Variants in ATAD5 observed in about 807,000 individuals in gnomAD.
The protein encoded by ATAD5 is ATPase family AAA domain containing 5.
In ATAD5, 58 loss-of-function variants were observed where a neutral mutation model predicts 176.9. That is an observed-to-expected ratio of 0.33 (90% confidence interval 0.27 to 0.41). The LOEUF is 0.41. Ranked by LOEUF, ATAD5 falls within the 10% of genes least tolerant of loss-of-function variation. ATAD5 has a pLI of 1.00. For missense variants in ATAD5, 1,789 were observed against 2,094.1 expected (o/e 0.85, Z 2.84); for synonymous variants, 640 against 712.6 (o/e 0.90, Z 1.62).
intron 18 of ATAD5, among the ~76,000 whole-genome samples, chr17:30,884,805 T>C (rs1178486831): frequency 6.8e-6 from 1 of 146,866 alleles, no homozygotes; most frequent in Non-Finnish European, 1.5e-5. Context: ...TGGAGTGCAG[T>C]GGTGCAATCT....
At chr17:30,848,232 C>T (rs1334597673) in intron 6 of ATAD5, among the ~76,000 whole-genome samples, 1 of 151,956 alleles carries the variant, frequency 6.6e-6, no homozygotes, top group Non-Finnish European at 1.5e-5. Context: ...TCTTTGATAA[C>T]ACTTGGCATT....
Position 30,869,349 on chromosome 17 carries a change from ACTG to A in ATAD5, c.3420_3422del (p.Ala1141del). 1 of 1,613,962 alleles carries A rather than the reference ACTG, an allele frequency of 6.2e-7. No homozygotes were observed. Among genetic ancestry groups the A allele is most frequent in the Non-Finnish European group, 8.5e-7 (1 of 1,179,988 alleles). ...AACAGGGCCAACAGGAGTGGGAAAA[ACTG>A]CTGCAGTGTATGCTTGTGCCCAGGA... On this transcript the variant is annotated inframe_deletion, in exon 13 of 23. Coordinates refer to ENST00000321990, the MANE Select transcript of ATAD5 (RefSeq NM_024857.5).
In ATAD5 at chr17:30,843,899, T is replaced by C; in HGVS notation, c.2242-14T>C. ...TATGATTTAATTAAAATTTATTCTCTTATTTTGTCTTAGGATTCTGTTATA... is the reference window on the plus strand; with the variant it reads ...TATGATTTAATTAAAATTTATTCTCCTATTTTGTCTTAGGATTCTGTTATA... On this transcript the variant is annotated splice_polypyrimidine_tract_variant and intron_variant, in intron 4 of 22. Coordinates refer to ENST00000321990, the MANE Select transcript of ATAD5 (RefSeq NM_024857.5). 7.8e-7 allele frequency: 1 copy of C among 1,285,030 alleles called. No individual in the cohort carries two copies. The highest frequency in any genetic ancestry group is 1.1e-6 in the Non-Finnish European group (1 of 947,732). 79.6% of individuals were successfully genotyped at this position (1,285,030 alleles called of 1,614,324 possible).
rs367699401 is a variant in ATAD5 at position 30,834,724 on chromosome 17, G to T, written c.643G>T (p.Asp215Tyr). ...LRKRKCRDVV[D>Y]LSESLPLAEE... ...AAAAAGGAAATGCAGAGATGTAGTA[G>T]ATCTATCTGAAAGCTTACCCTTGGC... The change falls in exon 2 of 23, where the codon GAT becomes TAT. Residue 215 changes from aspartate (D) to tyrosine (Y), a missense_variant. Physicochemically the swap from Asp to Tyr is radical, Grantham distance 160. Around this residue, in one of 6 missense-constraint regions of ATAD5, gnomAD observed 696 missense variants for 712.5 expected, o/e 0.98. Coordinates refer to ENST00000321990, the MANE Select transcript of ATAD5 (RefSeq NM_024857.5). 9 of 1,613,422 alleles carry T rather than the reference G, an allele frequency of 5.6e-6. No homozygotes were observed. The highest frequency in any genetic ancestry group is 7.6e-6 in the Non-Finnish European group (9 of 1,179,776).
At position 30,832,014 on chromosome 17, in the gene ATAD5, C is replaced by T. The variant is rs1263524660; in HGVS notation, c.-334C>T. 2.7e-6 allele frequency: 1 copy of T among 364,114 alleles called. No homozygotes were observed. Among genetic ancestry groups the T allele is most frequent in the Non-Finnish European group, 4.9e-6 (1 of 204,662 alleles). The allele number at this position is 364,114 out of a possible 1,614,324, so 22.6% of individuals were successfully genotyped here. ...CAATTGACAAGAATTCCCTCCGAAG[C>T]TCTGTGGTCCGATCTGCGGTCCGCT... is the stretch of plus-strand genomic sequence containing the variant. On this transcript the variant is annotated 5_prime_UTR_variant, in exon 1 of 23. Coordinates refer to ENST00000321990, the MANE Select transcript of ATAD5 (RefSeq NM_024857.5).
chr17:30,866,739 C>T (rs767354922), intron 11 of ATAD5, among the ~76,000 whole-genome samples: 2 of 151,932 alleles, frequency 1.3e-5, no homozygotes, highest in East Asian at 2.0e-4. Context: ...CGCCTGAACC[C>T]GGGAGGTGAG....
rs912567002 is a variant in ATAD5 at position 30,893,944 on chromosome 17, T to C, written c.5091T>C (p.Asn1697=). The C allele has an allele frequency of 6.8e-6, 11 of 1,614,088 alleles. No individual in the cohort carries two copies. In the East Asian group the frequency reaches 2.2e-4, roughly 33 times the overall value. ...GTGATGAGTTTAGTCTTGAGAGTAATGATGGATGGACTTCTCAAAGCTCTG... is the reference window on the plus strand; with the variant it reads ...GTGATGAGTTTAGTCTTGAGAGTAACGATGGATGGACTTCTCAAAGCTCTG... ...GLCDEFSLES[N]DGWTSQSSGE... is the part of the protein sequence containing the mutation. The change falls in exon 21 of 23, where the codon AAT becomes AAC. Residue 1697 remains asparagine (N), a synonymous_variant. Coordinates refer to ENST00000321990, the MANE Select transcript of ATAD5 (RefSeq NM_024857.5).
Position 30,834,410 on chromosome 17 carries a change from T to G in ATAD5, c.329T>G (p.Phe110Cys). 6.2e-7 allele frequency: 1 copy of G among 1,600,800 alleles called. No homozygotes were observed. Among genetic ancestry groups the G allele is most frequent in the Non-Finnish European group, 8.5e-7 (1 of 1,175,268 alleles). Residue 110 changes from phenylalanine (F) to cysteine (C), a missense_variant, in exon 2 of 23, where the codon TTT becomes TGT. Physicochemically the swap from Phe to Cys is radical, Grantham distance 205 (BLOSUM62 -2). Transcript: ENST00000321990. The stretch of plus-strand genomic sequence containing the variant: ...TTGGAAATGTTCTCAAATGTAGAGT[T>G]TAAGAAGAAAAGAAAGAGGGTTAAT... Reference protein sequence around the residue: ...TPLEMFSNVEFKKKRKRVNLS... With the variant: ...TPLEMFSNVECKKKRKRVNLS...
intron 10 of ATAD5, among the ~76,000 whole-genome samples, chr17:30,860,946 C>T (rs1907594442): frequency 1.3e-5 from 2 of 150,976 alleles, no homozygotes. Context: ...CTTGCACGGT[C>T]GCCCGGGCTG....
intron 6 of ATAD5, among the ~76,000 whole-genome samples, chr17:30,846,877 C>T (rs1439127025): frequency 3.4e-5 from 5 of 146,402 alleles, no homozygotes; most frequent in African/African-American, 1.4e-4. Context: ...TGTGCCACCA[C>T]GCCTGGCTAA....
In ATAD5 at chr17:30,832,118, A is replaced by G. The variant is rs1905414841; in HGVS notation, c.-230A>G. 5.0e-6 allele frequency: 2 copies of G among 396,880 alleles called. No individual in the cohort carries two copies. The highest frequency in any genetic ancestry group is 3.6e-5 in the East Asian group (1 of 27,474). The allele number at this position is 396,880 out of a possible 1,614,324, so 24.6% of individuals were successfully genotyped here. ...ACCCTGCATACACTGGCCGCGCCTC[A>G]GGGATCTCATTGCCCGCGCTTTCTC... is the stretch of plus-strand genomic sequence containing the variant. On this transcript the variant is annotated 5_prime_UTR_variant, in exon 1 of 23. Transcript: ENST00000321990.
intron 14 of ATAD5, among the ~76,000 whole-genome samples, chr17:30,873,243 G>T (rs1354127889): frequency 6.6e-6 from 1 of 151,552 alleles, no homozygotes; most frequent in Non-Finnish European, 1.5e-5. Flanking sequence ...CTTGCTTTCT[G>T]GCATGTCAGG....
At chr17:30,862,211 G>A (rs61641934) in intron 10 of ATAD5, among the ~76,000 whole-genome samples, 2 of 151,196 alleles carry the variant, frequency 1.3e-5, no homozygotes, top group African/African-American at 4.8e-5. Flanking sequence ...GTGCGTGCCT[G>A]TAATCCCAGC....
In ATAD5 at chr17:30,877,445, A is replaced by T. The variant is rs1597988873; in HGVS notation, c.3814A>T (p.Ile1272Phe). The T allele has an allele frequency of 6.4e-7, 1 of 1,551,892 alleles. No individual in the cohort carries two copies. The highest frequency in any genetic ancestry group is 8.8e-7 in the Non-Finnish European group (1 of 1,131,620). Residue 1272 changes from isoleucine to phenylalanine, a missense_variant, in exon 16 of 23, where the codon ATT becomes TTT. By Grantham distance (21) the Ile-to-Phe change is conservative (BLOSUM62 0). Transcript: ENST00000321990. Reference protein sequence around the residue: ...GIKNSFEQKQITQTKSTNATN... With the variant: ...GIKNSFEQKQFTQTKSTNATN... Reference sequence around the variant, plus strand: ...AAAAAATTCTTTTGAACAGAAACAAATTACTCAGACTAAATCTACAAATGC... The same window carrying T: ...AAAAAATTCTTTTGAACAGAAACAATTTACTCAGACTAAATCTACAAATGC...
At position 30,835,785 on chromosome 17, in the gene ATAD5, A is replaced by T; in HGVS notation, c.1704A>T (p.Pro568=). 1 of 1,613,544 alleles carries T rather than the reference A, an allele frequency of 6.2e-7. No individual in the cohort carries two copies. The highest frequency in any genetic ancestry group is 8.5e-7 in the Non-Finnish European group (1 of 1,179,860). Residue 568 remains proline, a synonymous_variant, in exon 2 of 23, where the codon CCA becomes CCT. Coordinates refer to ENST00000321990, the MANE Select transcript of ATAD5 (RefSeq NM_024857.5). The stretch of plus-strand genomic sequence containing the variant: ...AATTGTCAAGAAAAACCAGCATACC[A>T]GTTAAAGATATTAAGCTTACACAGT... The part of the protein sequence containing the change: ...NNKLSRKTSI[P]VKDIKLTQSK...
At chr17:30,862,394 A>G (rs1907695855) in intron 10 of ATAD5, among the ~76,000 whole-genome samples, 2 of 151,904 alleles carry the variant, frequency 1.3e-5, no homozygotes, top group Admixed American at 6.6e-5. Flanking sequence ...CATACATACT[A>G]TTTTACACCA....
intron 19 of ATAD5, among the ~76,000 whole-genome samples, chr17:30,887,957 G>A (rs1010411168): frequency 2.6e-5 from 4 of 151,716 alleles, no homozygotes; most frequent in East Asian, 3.9e-4. Flanking sequence ...TCAGCCTCCC[G>A]AGTAGCTGGG....
chr17:30,853,987 G>T (rs898032111), intron 6 of ATAD5, among the ~76,000 whole-genome samples: 3 of 151,228 alleles, frequency 2.0e-5, no homozygotes, highest in Admixed American at 2.0e-4. Flanking sequence ...CCCAAAGATA[G>T]CCCCTGTTAA....
intron 10 of ATAD5, 43 bp from the exon 11 acceptor site, chr17:30,865,661 T>C: frequency 8.3e-7 from 1 of 1,208,692 alleles, no homozygotes; most frequent in Non-Finnish European, 1.2e-6. Context: ...TATATGTTTA[T>C]GTCAAGGAAT....
Sources: allele counts gnomAD v4.1 joint callset (sites outside exome capture counted in the v4.1 genomes callset), GRCh38; gene constraint gnomAD v4.1.1; regional missense constraint gnomAD v4.1.1; transcripts MANE v1.5; gene names NCBI Gene and HGNC (gene_info 2026-07-23, HGNC 2026-07-21).